HDAC8: variants seen among roughly 807,000 people sequenced by gnomAD.
HDAC8 encodes histone deacetylase-like 1.
A neutral mutation model predicts 32.2 loss-of-function variants in HDAC8; 1 was observed. The observed-to-expected ratio is 0.03, with a 90% CI of 0.01 to 0.15. The LOEUF (loss-of-function observed/expected upper bound fraction) is 0.15, where lower values mean the gene tolerates loss of function less well. Ranked by LOEUF, HDAC8 falls within the 10% of genes least tolerant of loss-of-function variation. HDAC8 has a pLI of 1.00. For missense variants in HDAC8, 117 were observed against 300.0 expected, an observed-to-expected ratio of 0.39 and a Z score of 4.51; for synonymous variants, 108 against 113.9, an observed-to-expected ratio of 0.95 and a Z score of 0.33.
intron 7 of HDAC8, chrX:72,466,567 C>T (rs1333952657): frequency 8.9e-6 from 1 of 111,751 alleles, no homozygotes; most frequent in Non-Finnish European, 1.9e-5. Flanking sequence ...ACAACGATTC[C>T]TGGTAAGGAT....
chrX:72,568,105 C>T lies in HDAC8; in HGVS notation c.296-75G>A. The T allele has an allele frequency of 3.2e-6, 3 of 936,508 alleles. No individual in the cohort carries two copies. The South Asian group carries it at 6.5e-5, about 20-fold the overall frequency. 77.2% of individuals were successfully genotyped at this position (936,508 alleles called of 1,213,427 possible). ...GGAGGAATAGGTTGAGGTGTGACAA[C>T]AACCTAACCTACTAAAAAGCCACTG... On this transcript the variant is annotated intron_variant, in intron 3 of 10. Transcript: ENST00000373573.
chrX:72,390,743 G>C (rs1417612702), intron 9 of HDAC8, among the ~76,000 whole-genome samples: 1 of 111,622 alleles, frequency 9.0e-6, no homozygotes, highest in Non-Finnish European at 1.9e-5. Flanking sequence ...AATGAAACAA[G>C]ATTCCCTGAT....
intron 9 of HDAC8, among the ~76,000 whole-genome samples, chrX:72,450,046 T>A (rs1555986817): frequency 3.6e-5 from 4 of 112,253 alleles, no homozygotes; most frequent in Non-Finnish European, 7.5e-5. Flanking sequence ...ATGGTACATC[T>A]ATACCATGGA....
intron 4 of HDAC8, among the ~76,000 whole-genome samples, chrX:72,523,498 A>G (rs2050043304): frequency 1.8e-5 from 2 of 110,605 alleles, no homozygotes; most frequent in South Asian, 7.8e-4. Context: ...CCTATACACT[A>G]CTTCTTTATG....
rs587783662 is a variant in HDAC8, at chrX:72,572,766, C to T, written c.-5G>A. 50 of 1,197,628 alleles carry T rather than the reference C, an allele frequency of 4.2e-5. No individual in the cohort carries two copies. Among genetic ancestry groups the T allele is most frequent in the Non-Finnish European group, 5.3e-5 (47 of 884,740 alleles). On this transcript the variant is annotated 5_prime_UTR_variant, in exon 1 of 11. Transcript: ENST00000373573. ...CGGTTCCTCCGGCTCCTCCATCTTC[C>T]GCTTAAAACCGTTCCGCAGCCACCT... is the stretch of plus-strand genomic sequence containing the variant.
chrX:72,485,663 GAAGA>G (rs1183493985), intron 7 of HDAC8, among the ~76,000 whole-genome samples: 10 of 111,008 alleles, frequency 9.0e-5, no homozygotes, highest in African/African-American at 3.3e-4. Context: ...GTAAAAGAAA[GAAGA>G]AAGAAAGAAG....
intron 9 of HDAC8, among the ~76,000 whole-genome samples, chrX:72,355,664 C>T (rs185693011): frequency 4.6e-4 from 51 of 111,859 alleles, no homozygotes; most frequent in Admixed American, 1.3e-3. Context: ...CAGTTCAGCC[C>T]ACCTCAATGC....
intron 7 of HDAC8, among the ~76,000 whole-genome samples, chrX:72,482,401 C>T (rs1418914542): frequency 1.8e-5 from 2 of 112,081 alleles, no homozygotes; most frequent in Non-Finnish European, 3.8e-5. Context: ...TGTTTACAAA[C>T]TTTAGGAATT....
intron 4 of HDAC8, among the ~76,000 whole-genome samples, chrX:72,525,813 C>CAA (rs57801277): frequency 0.2 from 4,288 of 21,437 alleles, 1,350 homozygotes; most frequent in East Asian, 0.6. Flanking sequence ...GACTCTGTCT[C>CAA]AAAAAAAAAA....
chrX:72,552,816 C>T (rs1219806040), intron 4 of HDAC8, among the ~76,000 whole-genome samples: 4 of 89,258 alleles, frequency 4.5e-5, no homozygotes, highest in African/African-American at 2.5e-4. Context: ...TGTATATATA[C>T]GTATATATAC....
At chrX:72,397,829 T>A (rs945875295) in intron 9 of HDAC8, among the ~76,000 whole-genome samples, 13 of 112,446 alleles carry the variant, frequency 1.2e-4, no homozygotes, top group Non-Finnish European at 2.1e-4. Context: ...ATCAGTTCAT[T>A]CATTTTAATT....
At chrX:72,482,686 A>G (rs1211413040) in intron 7 of HDAC8, among the ~76,000 whole-genome samples, 1 of 111,537 alleles carries the variant, frequency 9.0e-6, no homozygotes, top group African/African-American at 3.3e-5. Context: ...GTTTGCAACC[A>G]TTAAGTTTCT....
In HDAC8 at chrX:72,458,420, A is replaced by G. The variant is rs782054718; in HGVS notation, c.1005+3584T>C. 9.0e-5 allele frequency among the ~76,000 whole-genome samples: 10 copies of G among 111,327 alleles called. No individual in the cohort carries two copies. In the South Asian group the frequency reaches 3.8e-3, roughly 42 times the overall value. The stretch of plus-strand genomic sequence containing the variant: ...TTTGTGCTGGGCTTCTGCCTTCTGA[A>G]CTCCATTCCCTGCATTGGTAATATA... On this transcript the variant is annotated intron_variant, in intron 9 of 10. Transcript: ENST00000373573.
At chrX:72,560,441 C>G (rs2051506171) in intron 4 of HDAC8, among the ~76,000 whole-genome samples, 1 of 107,997 alleles carries the variant, frequency 9.3e-6, no homozygotes, top group African/African-American at 3.4e-5. Context: ...CCGCAGGGTC[C>G]TCTGCCTAGG....
chrX:72,384,681 T>C (rs1240464190), intron 9 of HDAC8, among the ~76,000 whole-genome samples: 4 of 112,309 alleles, frequency 3.6e-5, no homozygotes, highest in African/African-American at 1.3e-4. Context: ...AACCATTGTA[T>C]TGAAAAAGTT....
intron 10 of HDAC8, among the ~76,000 whole-genome samples, chrX:72,341,529 G>A (rs1206420443): frequency 9.0e-6 from 1 of 111,552 alleles, no homozygotes; most frequent in South Asian, 3.8e-4. Flanking sequence ...AAATTTTGGC[G>A]GGGTATAAAA....
chrX:72,505,176 T>C (rs1033072402), intron 4 of HDAC8, among the ~76,000 whole-genome samples: 4 of 111,648 alleles, frequency 3.6e-5, no homozygotes, highest in African/African-American at 9.8e-5. Flanking sequence ...GCACATATTT[T>C]CTCCGATTCT....
intron 4 of HDAC8, among the ~76,000 whole-genome samples, chrX:72,510,184 A>C (rs2049533998): frequency 8.9e-6 from 1 of 112,172 alleles, no homozygotes; most frequent in South Asian, 3.7e-4. Context: ...CAATTTAGCT[A>C]TTGACCTAGC....
chrX:72,404,696 T>C (rs1232644452), intron 9 of HDAC8, among the ~76,000 whole-genome samples: 3 of 111,431 alleles, frequency 2.7e-5, no homozygotes, highest in African/African-American at 6.5e-5. Context: ...CAACATCATA[T>C]TGTAATCTGG....
Sources: gnomAD v4.1 joint callset for allele counts (sites outside exome capture counted in the v4.1 genomes callset) on GRCh38, gnomAD v4.1.1 for gene constraint, MANE v1.5 for transcripts, NCBI Gene and HGNC (gene_info 2026-07-23, HGNC 2026-07-21) for gene names.